Variants in CDH10 observed in about 807,000 individuals in gnomAD.
CDH10 encodes the protein cadherin 10, also known as cadherin-10.
A neutral mutation model predicts 73.1 loss-of-function variants in CDH10; 30 were observed. The observed-to-expected ratio is 0.41, with a 90% confidence interval of 0.31 to 0.56. The LOEUF is 0.56. Ranked by LOEUF, CDH10 falls within the 20% of genes least tolerant of loss-of-function variation. The probability of loss-of-function intolerance (pLI) is 0.27; values close to 1 mark genes in which losing one functional copy is unlikely to be tolerated. For synonymous variants in CDH10, 345 were observed against 348.2 expected, an observed-to-expected ratio of 0.99 and a Z score of 0.10; for missense variants, 815 against 973.7, an observed-to-expected ratio of 0.84 and a Z score of 2.17.
At chr5:24,636,997 C>A (rs943405838) in intron 1 of CDH10, among the ~76,000 whole-genome samples, 2 of 151,966 alleles carry the variant, frequency 1.3e-5, no homozygotes, top group African/African-American at 4.8e-5. Context: ...CTGATATTTT[C>A]TTTAATGATA....
At chr5:24,637,107 A>T (rs778057202) in intron 1 of CDH10, among the ~76,000 whole-genome samples, 3 of 151,946 alleles carry the variant, frequency 2.0e-5, no homozygotes, top group African/African-American at 7.2e-5. Flanking sequence ...TCTTTCTTGT[A>T]TTTATCAAAG....
Position 24,505,399 on chromosome 5 carries a change from T to C in CDH10, c.1257-151A>G, listed in dbSNP as rs947351313. On this transcript the variant is annotated intron_variant, in intron 7 of 11. Transcript: ENST00000264463. Reference sequence around the variant, plus strand: ...TGTAGATTGTTTGAATGACTTTTCCTAGTTGCACACACACATTCTCCTCAA... The same window carrying C: ...TGTAGATTGTTTGAATGACTTTTCCCAGTTGCACACACACATTCTCCTCAA... The C allele has an allele frequency of 1.4e-5, 9 of 664,450 alleles. No individual in the cohort carries two copies. In the African/African-American group the frequency reaches 1.5e-4, roughly 11 times the overall value. 41.2% of individuals were successfully genotyped at this position (664,450 alleles called of 1,614,324 possible).
chr5:24,530,346 A>C (rs895502532), intron 5 of CDH10, among the ~76,000 whole-genome samples: 5 of 151,980 alleles, frequency 3.3e-5, no homozygotes, highest in Admixed American at 2.6e-4. Flanking sequence ...CTGTTGTCCC[A>C]GTTGGTTTTG....
chr5:24,522,459 C>T (rs1743371697), intron 5 of CDH10, among the ~76,000 whole-genome samples: 1 of 151,082 alleles, frequency 6.6e-6, no homozygotes, highest in South Asian at 2.1e-4. Flanking sequence ...TGCATGAGAT[C>T]CAGAAAGTTC....
At chr5:24,564,957 T>C (rs913346548) in intron 2 of CDH10, among the ~76,000 whole-genome samples, 4 of 152,110 alleles carry the variant, frequency 2.6e-5, no homozygotes, top group East Asian at 1.9e-4. Flanking sequence ...ATGCCCACCA[T>C]ACCCTTTTCT....
intron 2 of CDH10, among the ~76,000 whole-genome samples, chr5:24,568,912 C>T (rs370262218): frequency 1.3e-4 from 20 of 152,010 alleles, no homozygotes; most frequent in East Asian, 1.2e-3. Flanking sequence ...GAGTTCAAAA[C>T]TAGCCTGGCC....
chr5:24,510,417 A>G (rs1742860099), intron 6 of CDH10, among the ~76,000 whole-genome samples: 1 of 152,240 alleles, frequency 6.6e-6, no homozygotes, highest in Non-Finnish European at 1.5e-5. Flanking sequence ...ATATTCATAT[A>G]GTTTAACTGT....
chr5:24,500,742 C>T (rs371178847), intron 8 of CDH10, among the ~76,000 whole-genome samples: 102 of 152,306 alleles, frequency 6.7e-4, no homozygotes, highest in African/African-American at 2.4e-3. Context: ...TATGCGTTGA[C>T]TATAATCATT....
At chr5:24,554,524 G>GCA (rs1744695710) in intron 2 of CDH10, among the ~76,000 whole-genome samples, 5 of 91,018 alleles carry the variant, frequency 5.5e-5, no homozygotes, top group African/African-American at 1.9e-4. Flanking sequence ...GTGTGTGCAC[G>GCA]TGCATGATTT....
intron 5 of CDH10, among the ~76,000 whole-genome samples, chr5:24,519,136 C>T (rs534947620): frequency 7.2e-4 from 110 of 152,086 alleles, no homozygotes; most frequent in African/African-American, 2.6e-3. Flanking sequence ...AGAGATCCAC[C>T]TGCCTCAGCC....
chr5:24,584,489 A>T (rs1745918753), intron 2 of CDH10, among the ~76,000 whole-genome samples: 1 of 117,732 alleles, frequency 8.5e-6, no homozygotes, highest in Admixed American at 1.2e-4. Flanking sequence ...AGAGAGAGAG[A>T]GAGAGAGAGT....
At chr5:24,562,536 C>A (rs532501298) in intron 2 of CDH10, among the ~76,000 whole-genome samples, 3 of 151,660 alleles carry the variant, frequency 2.0e-5, no homozygotes, top group African/African-American at 7.2e-5. Context: ...ATATACCCTA[C>A]GGAAAAAAAA....
At chr5:24,612,801 A>G (rs1344541654) in intron 1 of CDH10, 2 of 152,212 alleles carry the variant, frequency 1.3e-5, no homozygotes, top group African/African-American at 4.8e-5. Context: ...TGATTAATAG[A>G]CATAAATGGA....
intron 1 of CDH10, among the ~76,000 whole-genome samples, chr5:24,594,668 G>A (rs1746311212): frequency 6.6e-6 from 1 of 151,798 alleles, no homozygotes; most frequent in South Asian, 2.1e-4. Flanking sequence ...CTTCCTACTT[G>A]TTCTCTGTGC....
chr5:24,583,722 T>G (rs1745881569), intron 2 of CDH10, among the ~76,000 whole-genome samples: 1 of 152,236 alleles, frequency 6.6e-6, no homozygotes, highest in South Asian at 2.1e-4. Flanking sequence ...CTCCACTCAC[T>G]GCAATCTCCG....
intron 1 of CDH10, among the ~76,000 whole-genome samples, chr5:24,626,058 T>C (rs1385028297): frequency 6.6e-6 from 1 of 152,078 alleles, no homozygotes; most frequent in Admixed American, 6.6e-5. Flanking sequence ...ATATAAACAT[T>C]TGTGCTTATA....
chr5:24,516,372 T>C lies in CDH10; in HGVS notation c.815-4858A>G, dbSNP rs75894537. 2.2e-3 allele frequency among the ~76,000 whole-genome samples: 341 copies of C among 152,252 alleles called. 7 individuals are homozygous for C. The East Asian group carries it at 0.049, about 22-fold the overall frequency. ...TCTTGGTGAAGATATTTTGAGTGTA[T>C]GCAAATATCCCATTTCTCCTAAAAA... is the stretch of plus-strand genomic sequence containing the variant. On this transcript the variant is annotated intron_variant, in intron 5 of 11. Coordinates refer to ENST00000264463, the MANE Select transcript of CDH10 (RefSeq NM_006727.5).
intron 5 of CDH10, among the ~76,000 whole-genome samples, chr5:24,512,382 C>T (rs976671732): frequency 1.3e-5 from 2 of 152,152 alleles, no homozygotes; most frequent in Admixed American, 6.5e-5. Flanking sequence ...CACAACAAAC[C>T]ACAGGATATA....
intron 2 of CDH10, among the ~76,000 whole-genome samples, chr5:24,580,006 T>C (rs1350469883): frequency 6.6e-6 from 1 of 152,162 alleles, no homozygotes; most frequent in African/African-American, 2.4e-5. Context: ...TAAAAGCAGA[T>C]TTATAGTCTC....
Sources: gnomAD v4.1 joint callset for allele counts (sites outside exome capture counted in the v4.1 genomes callset) on GRCh38, gnomAD v4.1.1 for gene constraint, MANE v1.5 for transcripts, NCBI Gene and HGNC (gene_info 2026-07-23, HGNC 2026-07-21) for gene names.